RPL4: variants seen among roughly 807,000 people sequenced by gnomAD.
RPL4 encodes the protein large ribosomal subunit protein uL4.
A neutral mutation model predicts 47.7 loss-of-function variants in RPL4; 3 were observed. The ratio of observed to expected loss-of-function variants is 0.06; its 90% CI spans 0.03 to 0.16. RPL4 has a LOEUF of 0.16. RPL4 is among the 10% of genes least tolerant of loss of function. RPL4 has a pLI of 1.00. For synonymous variants in RPL4, 208 were observed against 182.1 expected, an observed-to-expected ratio of 1.14 and a Z score of -1.15; for missense variants, 413 against 551.3, an observed-to-expected ratio of 0.75 and a Z score of 2.51.
intron 1 of RPL4, 108 bp from the exon 2 acceptor site, chr15:66,503,637 T>C (rs1365077011): frequency 4.7e-6 from 6 of 1,264,422 alleles, no homozygotes; most frequent in Non-Finnish European, 5.4e-6. Flanking sequence ...GAGACTGGTA[T>C]GGTGAGGCAA....
chr15:66,501,329 G>C (rs1303797093), intron 6 of RPL4, 46 bp downstream of exon 6: 1 of 1,612,492 alleles, frequency 6.2e-7, no homozygotes, highest in Admixed American at 1.7e-5. Context: ...AAGCTGAGTA[G>C]ACTTGCAGAG....
At position 66,503,094 on chromosome 15, in the gene RPL4, A is replaced by T. The variant is rs1231888417; in HGVS notation, c.246T>A (p.Gly82=). 1.9e-6 allele frequency: 3 copies of T among 1,614,090 alleles called. No homozygotes were observed. The Admixed American group carries it at 5.0e-5, about 27-fold the overall frequency. The change falls in exon 3 of 10, where the codon GGT becomes GGA. Residue 82 remains glycine, a synonymous_variant. Transcript: ENST00000307961. ...CACCCTGGCCAGAGCGGTGAGTCCC[A>T]CCACCTCGAACTCTGGGAATTCGAG... ...AVARIPRVRG[G]GTHRSGQGAF... is the part of the protein sequence containing the mutation.
chr15:66,501,665 G>C, intron 5 of RPL4, 123 bp downstream of exon 5: 1 of 1,506,244 alleles, frequency 6.6e-7, no homozygotes, highest in Non-Finnish European at 8.9e-7. Context: ...CAAGTAATCG[G>C]GCTCTGAGGT....
chr15:66,504,736 C>T, intron 1 of RPL4, 52 bp downstream of exon 1: 1 of 1,606,634 alleles, frequency 6.2e-7, no homozygotes, highest in Non-Finnish European at 8.5e-7. Context: ...CAAATCCTTC[C>T]TTACTGGCCC....
intron 1 of RPL4, 42 bp from the exon 2 acceptor site, chr15:66,503,571 T>A (rs781601049): frequency 6.5e-7 from 1 of 1,548,280 alleles, no homozygotes; most frequent in African/African-American, 1.4e-5. Flanking sequence ...ACAAGTAATG[T>A]TTGAAGCAAA....
chr15:66,500,849 T>G, intron 7 of RPL4, 100 bp downstream of exon 7: 1 of 1,404,046 alleles, frequency 7.1e-7, no homozygotes, highest in Non-Finnish European at 9.7e-7. Flanking sequence ...TTGCTGCACA[T>G]AAGGGGAAAT....
rs145448842 is a variant in RPL4 at position 66,503,646 on chromosome 15, AAAC to A, written c.4-120_4-118del. On this transcript the variant is annotated intron_variant, in intron 1 of 9. Transcript: ENST00000307961. ...GCAGAAGAGACTGGTATGGTGAGGC[AAAC>A]AACCCTTAAACCAAAATAGCAGTAA... 1,533 of 1,070,396 alleles carry A rather than the reference AAAC, an allele frequency of 1.4e-3. 17 individuals carry two copies. The African/African-American group carries it at 0.022, about 15-fold the overall frequency. The allele number at this position is 1,070,396 out of a possible 1,614,324, so 66.3% of individuals were successfully genotyped here.
At chr15:66,501,625 G>A in intron 5 of RPL4, 121 bp from the exon 6 acceptor site, 2 of 1,515,326 alleles carry the variant, frequency 1.3e-6, no homozygotes, top group Non-Finnish European at 1.8e-6. Flanking sequence ...AGGTTACACA[G>A]AGCCATAAAC....
intron 4 of RPL4, 61 bp downstream of exon 4, chr15:66,502,551 T>C (rs922950046): frequency 3.2e-6 from 5 of 1,553,516 alleles, no homozygotes; most frequent in Non-Finnish European, 4.4e-6. Context: ...ATCACCCTAA[T>C]GATCAAATAG....
chr15:66,502,139 GAAGTTTTCT>G (rs1893631664), intron 4 of RPL4: 1 of 678,518 alleles, frequency 1.5e-6, no homozygotes, highest in Admixed American at 1.9e-5. Context: ...GTTTAAGTTG[GAAGTTTTCT>G]AAGGATATAC....
At chr15:66,500,252 A>G (rs72752414) in intron 8 of RPL4, 41 bp downstream of exon 8, 33,907 of 1,613,494 alleles carry the variant, frequency 0.021, 459 homozygotes, top group Non-Finnish European at 0.024. Flanking sequence ...AACCAATAGT[A>G]TAGGGTTGGG....
intron 4 of RPL4, chr15:66,502,173 A>T (rs1000796328): frequency 3.4e-6 from 2 of 586,426 alleles, no homozygotes; most frequent in African/African-American, 3.7e-5. Flanking sequence ...CTACTACTTG[A>T]ATAGTTCCCC....
chr15:66,500,042 A>C lies in RPL4; in HGVS notation c.1038+14T>G. On this transcript the variant is annotated intron_variant, in intron 9 of 9. Coordinates refer to ENST00000307961, the MANE Select transcript of RPL4 (RefSeq NM_000968.4). The stretch of plus-strand genomic sequence containing the variant: ...CGACTCAAAAACAAACAAACAAACA[A>C]AAACTCCACTCACATTCCTGGCCTG... 6.2e-7 allele frequency: 1 copy of C among 1,611,320 alleles called. No individual in the cohort carries two copies. The highest frequency in any genetic ancestry group is 8.5e-7 in the Non-Finnish European group (1 of 1,179,696).
chr15:66,503,318 A>G (rs1893664075), intron 2 of RPL4, 40 bp downstream of exon 2: 3 of 1,609,452 alleles, frequency 1.9e-6, no homozygotes, highest in Non-Finnish European at 1.7e-6. Flanking sequence ...ACTACTGTAA[A>G]GCAGTCCCTA....
In RPL4 at chr15:66,501,930, C is replaced by T. The variant is rs1250346184; in HGVS notation, c.422-18G>A. 6.2e-7 allele frequency: 1 copy of T among 1,600,038 alleles called. No homozygotes were observed. Among genetic ancestry groups the T allele is most frequent in the East Asian group, 2.2e-5 (1 of 44,732 alleles). ...ACGATGACCTAACAAAAACCAATGA[C>T]ACTTACTTGGTTATCCTGAAACTTT... On this transcript the variant is annotated intron_variant, in intron 4 of 9. Coordinates refer to ENST00000307961, the MANE Select transcript of RPL4 (RefSeq NM_000968.4).
intron 5 of RPL4, 130 bp downstream of exon 5, chr15:66,501,658 G>A (rs935449982): frequency 9.3e-6 from 14 of 1,499,384 alleles, no homozygotes; most frequent in African/African-American, 1.4e-5. Context: ...TCAAACCCAA[G>A]TAATCGGGCT....
intron 9 of RPL4, 154 bp from the exon 10 acceptor site, chr15:66,499,806 C>T (rs928789949): frequency 2.3e-5 from 25 of 1,075,848 alleles, no homozygotes; most frequent in Non-Finnish European, 2.9e-5. Context: ...GGTGAATCAC[C>T]TGAGGTCAGG....
At position 66,499,336 on chromosome 15, in the gene RPL4, T is replaced by G. The variant is rs1436773850; in HGVS notation, c.*71A>C. The G allele has an allele frequency of 1.3e-6, 2 of 1,522,502 alleles. No individual in the cohort carries two copies. Among genetic ancestry groups the G allele is most frequent in the Non-Finnish European group, 1.8e-6 (2 of 1,134,420 alleles). 94.3% of individuals were successfully genotyped at this position (1,522,502 alleles called of 1,614,324 possible). On this transcript the variant is annotated 3_prime_UTR_variant, in exon 10 of 10. Coordinates refer to ENST00000307961, the MANE Select transcript of RPL4 (RefSeq NM_000968.4). ...CAAGTCATGTTTCTCACTGCCTGTATAATCAGGTCTTTATTCAAAAGAAGC... is the reference window on the plus strand; with the variant it reads ...CAAGTCATGTTTCTCACTGCCTGTAGAATCAGGTCTTTATTCAAAAGAAGC...
rs1203889077 is a variant in RPL4, at chr15:66,501,954, T to C, written c.422-42A>G. 2.5e-6 allele frequency: 4 copies of C among 1,583,154 alleles called. No individual in the cohort carries two copies. The East Asian group carries it at 9.0e-5, about 36-fold the overall frequency. ...ACACTTACTTGGTTATCCTGAAACT[T>C]TTGGAGAAAAAAAAAAAATCAAACA... On this transcript the variant is annotated intron_variant, in intron 4 of 9. Transcript: ENST00000307961.
Sources: allele counts gnomAD v4.1 joint callset, GRCh38; gene constraint gnomAD v4.1.1; transcripts MANE v1.5; gene names NCBI Gene and HGNC (gene_info 2026-07-23, HGNC 2026-07-21).